Variants in CPA6 observed in about 807,000 individuals in gnomAD.
CPA6 encodes carboxypeptidase B.
CPA6 carries 58 observed loss-of-function variants against 63.3 expected under a neutral mutation model. The observed-to-expected ratio is 0.92, with a 90% confidence interval of 0.74 to 1.14. The LOEUF (loss-of-function observed/expected upper bound fraction) is 1.14. Among genes scored for constraint, CPA6 ranks in the 50% most tolerant of loss-of-function variants. CPA6 has a pLI of 0.00. For synonymous variants in CPA6, 185 were observed against 179.0 expected (o/e 1.03, Z -0.27); for missense variants, 565 against 526.6 (o/e 1.07, Z -0.71).
intron 6 of CPA6, among the ~76,000 whole-genome samples, chr8:67,492,950 A>G (rs1811637984): frequency 6.6e-6 from 1 of 152,194 alleles, no homozygotes. Context: ...AGCATGGGAG[A>G]ACATAGGGAA....
intron 2 of CPA6, among the ~76,000 whole-genome samples, chr8:67,521,912 T>A (rs1003153939): frequency 6.6e-6 from 1 of 152,232 alleles, no homozygotes; most frequent in African/African-American, 2.4e-5. Flanking sequence ...CTTAACTTTC[T>A]GGGCCTTGCT....
intron 1 of CPA6, among the ~76,000 whole-genome samples, chr8:67,634,502 G>GC (rs1443233737): frequency 5.9e-5 from 9 of 151,558 alleles, no homozygotes; most frequent in African/African-American, 1.7e-4. Context: ...ACAGGCGTGA[G>GC]CCACACTGGA....
At chr8:67,597,025 A>T (rs1249989846) in intron 2 of CPA6, among the ~76,000 whole-genome samples, 1 of 152,128 alleles carries the variant, frequency 6.6e-6, no homozygotes, top group Admixed American at 6.5e-5. Context: ...CACTTGGTTT[A>T]TGTGGTGTCT....
chr8:67,436,202 C>T (rs568746838), intron 8 of CPA6, among the ~76,000 whole-genome samples: 2 of 152,220 alleles, frequency 1.3e-5, no homozygotes, highest in East Asian at 3.9e-4. Flanking sequence ...GCCTTTGGCA[C>T]AGAGGCTGAG....
intron 1 of CPA6, among the ~76,000 whole-genome samples, chr8:67,704,806 T>C (rs1817098383): frequency 6.6e-6 from 1 of 152,188 alleles, no homozygotes; most frequent in Admixed American, 6.5e-5. Context: ...CTTTTTTCCT[T>C]TGTTTTCTCC....
At chr8:67,448,639 G>GAAAAAAAAAAAAAAA (rs61317091) in intron 8 of CPA6, among the ~76,000 whole-genome samples, 101 of 23,170 alleles carry the variant, frequency 4.4e-3, no homozygotes, top group African/African-American at 0.011. Context: ...CTCAAAAAAG[G>GAAAAAAAAAAAAAAA]AAAAAAAAAA....
At chr8:67,463,218 C>A (rs1024290481) in intron 8 of CPA6, among the ~76,000 whole-genome samples, 2 of 151,890 alleles carry the variant, frequency 1.3e-5, no homozygotes, top group African/African-American at 4.8e-5. Context: ...TCGAGGCGGG[C>A]GGATCACTTG....
intron 1 of CPA6, among the ~76,000 whole-genome samples, chr8:67,692,328 CAAAAAAAAAAAAA>C (rs55676882): frequency 2.2e-5 from 2 of 89,992 alleles, no homozygotes; most frequent in African/African-American, 7.8e-5. Flanking sequence ...AATCCTGTCT[CAAAAAAAAAAAAA>C]AAAAAAAAAA....
chr8:67,552,800 A>G (rs1008869363), intron 2 of CPA6, among the ~76,000 whole-genome samples: 15 of 147,234 alleles, frequency 1.0e-4, no homozygotes, highest in Admixed American at 2.7e-4. Context: ...AAAAAAAAAA[A>G]AGAAAAGAAA....
chr8:67,708,196 A>G (rs1563401896), intron 1 of CPA6, among the ~76,000 whole-genome samples: 1 of 152,194 alleles, frequency 6.6e-6, no homozygotes, highest in African/African-American at 2.4e-5. Flanking sequence ...AGTTTCATCA[A>G]AGCCAATTTA....
chr8:67,479,621 C>T (rs1160430625), intron 8 of CPA6, among the ~76,000 whole-genome samples: 1 of 152,196 alleles, frequency 6.6e-6, no homozygotes, highest in Non-Finnish European at 1.5e-5. Context: ...AATTTGCATA[C>T]TTCACAGCAA....
At chr8:67,659,308 T>A (rs1385505941) in intron 1 of CPA6, among the ~76,000 whole-genome samples, 1 of 152,218 alleles carries the variant, frequency 6.6e-6, no homozygotes, top group East Asian at 1.9e-4. Context: ...GATTAAACCA[T>A]GGCTTCCAGT....
At position 67,540,742 on chromosome 8, in the gene CPA6, C is replaced by T. The variant is rs189279062; in HGVS notation, c.193-22695G>A. 4.3e-4 allele frequency among the ~76,000 whole-genome samples: 65 copies of T among 152,350 alleles called. 1 individual carries two copies. The East Asian group carries it at 0.012, about 29-fold the overall frequency. ...TAGAGAGGCAGTCTGGCTACAGCAG[C>T]TTTGCAGAGCTGTGGTGGGCTCCAC... On this transcript the variant is annotated intron_variant, in intron 2 of 10. Coordinates refer to ENST00000297770, the MANE Select transcript of CPA6 (RefSeq NM_020361.5).
intron 1 of CPA6, among the ~76,000 whole-genome samples, chr8:67,722,936 T>C (rs998560239): frequency 2.0e-5 from 3 of 151,902 alleles, no homozygotes; most frequent in Admixed American, 2.0e-4. Flanking sequence ...AAATTACCAC[T>C]ACCACCATTT....
At position 67,683,170 on chromosome 8, in the gene CPA6, T is replaced by C. The variant is rs1001188025; in HGVS notation, c.117-58919A>G. Among the ~76,000 whole-genome samples, 187 of 152,330 alleles carry C rather than the reference T, an allele frequency of 1.2e-3. 1 individual carries two copies. The highest frequency in any genetic ancestry group is 4.1e-3 in the African/African-American group (171 of 41,576). ...TTCCCCCTGTGGGATCACTGTCCTA[T>C]TGTACCTGATGTTCCATATTTGAAA... On this transcript the variant is annotated intron_variant, in intron 1 of 10. Coordinates refer to ENST00000297770, the MANE Select transcript of CPA6 (RefSeq NM_020361.5).
intron 2 of CPA6, among the ~76,000 whole-genome samples, chr8:67,593,528 T>C (rs1167471480): frequency 6.6e-6 from 1 of 152,218 alleles, no homozygotes; most frequent in Non-Finnish European, 1.5e-5. Context: ...CTAAGTCTCT[T>C]TGTAGGTCAC....
chr8:67,653,906 G>A (rs1240051749), intron 1 of CPA6, among the ~76,000 whole-genome samples: 1 of 151,426 alleles, frequency 6.6e-6, no homozygotes, highest in East Asian at 1.9e-4. Context: ...ATTATTTTGA[G>A]ATACGTCCCA....
chr8:67,608,467 C>T (rs955431882), intron 2 of CPA6, among the ~76,000 whole-genome samples: 45 of 152,302 alleles, frequency 3.0e-4, no homozygotes, highest in African/African-American at 8.9e-4. Context: ...CTTCCCGCTC[C>T]GTTCACTTTC....
At chr8:67,553,159 A>G (rs1207090983) in intron 2 of CPA6, among the ~76,000 whole-genome samples, 1 of 152,232 alleles carries the variant, frequency 6.6e-6, no homozygotes, top group East Asian at 1.9e-4. Flanking sequence ...GTTATAAATT[A>G]AAGATTTTCA....
Sources: allele counts gnomAD v4.1 joint callset (sites outside exome capture counted in the v4.1 genomes callset), GRCh38; gene constraint gnomAD v4.1.1; transcripts MANE v1.5; gene names NCBI Gene and HGNC (gene_info 2026-07-23, HGNC 2026-07-21).